The following CAMTA1 variants were observed in gnomAD, a reference collection of about 807,000 sequenced individuals.
CAMTA1 encodes the protein calmodulin binding transcription activator 1, also known as calmodulin-binding transcription activator 1.
CAMTA1 carries 27 observed loss-of-function variants against 170.9 expected under a neutral mutation model. That is an observed-to-expected ratio of 0.16 (90% confidence interval 0.12 to 0.22). The LOEUF is 0.22. Among genes scored for constraint, CAMTA1 ranks in the 10% least tolerant of loss-of-function variants. The pLI is 1.00. For missense variants in CAMTA1, 1,619 were observed against 2,217.2 expected (o/e 0.73, Z 5.42); for synonymous variants, 833 against 891.5 (o/e 0.93, Z 1.17).
chr1:6,872,808 C>T (rs990176681), intron 3 of CAMTA1, among the ~76,000 whole-genome samples: 1 of 152,156 alleles, frequency 6.6e-6, no homozygotes, highest in African/African-American at 2.4e-5. Flanking sequence ...CAGCATGGCC[C>T]ACTGAAGCAC....
intron 3 of CAMTA1, among the ~76,000 whole-genome samples, chr1:6,880,495 T>C (rs1264508812): frequency 1.4e-5 from 2 of 146,396 alleles, no homozygotes; most frequent in Non-Finnish European, 3.0e-5. Flanking sequence ...GCTCAAGCAG[T>C]CCTCCCACCT....
chr1:7,732,442 C>A lies in CAMTA1; in HGVS notation c.2915-6C>A. On this transcript the variant is annotated splice_region_variant and splice_polypyrimidine_tract_variant and intron_variant, in intron 11 of 22. Coordinates refer to ENST00000303635, the MANE Select transcript of CAMTA1 (RefSeq NM_015215.4). This position sits in a 1 kb window ranked among gnomAD's most constrained non-coding sequence, Gnocchi z 4.1. ...CAACCTCACTCTTCCTCCTGCTCTG[C>A]CCTAGATAACCAGTTCAGGATGTCC... The A allele has an allele frequency of 6.2e-7, 1 of 1,612,468 alleles. No homozygotes were observed. Among genetic ancestry groups the A allele is most frequent in the South Asian group, 1.1e-5 (1 of 91,032 alleles).
At chr1:7,259,041 G>A (rs1175270310) in intron 5 of CAMTA1, among the ~76,000 whole-genome samples, 2 of 152,140 alleles carry the variant, frequency 1.3e-5, no homozygotes, top group Admixed American at 1.3e-4. Flanking sequence ...TACCAAACGA[G>A]TTAAAGAAGG....
At chr1:7,538,849 C>T (rs2094577718) in intron 6 of CAMTA1, among the ~76,000 whole-genome samples, 1 of 152,176 alleles carries the variant, frequency 6.6e-6, no homozygotes, top group Non-Finnish European at 1.5e-5. Context: ...TGGGTGAACC[C>T]ACCTTTCTAC....
intron 5 of CAMTA1, among the ~76,000 whole-genome samples, chr1:7,292,389 G>A (rs12023513): frequency 2.0e-5 from 3 of 152,274 alleles, no homozygotes; most frequent in East Asian, 1.9e-4. Context: ...TTTCAGCTTC[G>A]GTGAATATGT....
intron 3 of CAMTA1, among the ~76,000 whole-genome samples, chr1:7,013,365 A>G (rs1382215384): frequency 6.6e-6 from 1 of 151,386 alleles, no homozygotes; most frequent in Non-Finnish European, 1.5e-5. Context: ...GAAGTGTACC[A>G]CCATGCCCGG....
chr1:7,065,857 T>A lies in CAMTA1; in HGVS notation c.235-25447T>A, dbSNP rs1468873322. 2.0e-5 allele frequency among the ~76,000 whole-genome samples: 3 copies of A among 152,134 alleles called. No homozygotes were observed. ...GGCATGTTTATCTATTCCCTTACATTGTGAAAGAGTAAAGCAGTCTTAAGA... is the reference window on the plus strand; with the variant it reads ...GGCATGTTTATCTATTCCCTTACATAGTGAAAGAGTAAAGCAGTCTTAAGA... On this transcript the variant is annotated intron_variant, in intron 3 of 22. Transcript: ENST00000303635. This position sits in a 1 kb window ranked among gnomAD's most constrained non-coding sequence, Gnocchi z 5.2.
intron 3 of CAMTA1, among the ~76,000 whole-genome samples, chr1:6,899,554 G>GCGCGCGCACACA (rs1306510241): frequency 1.4e-5 from 2 of 141,178 alleles, no homozygotes; most frequent in African/African-American, 2.5e-5. Flanking sequence ...ACGCGCGCGC[G>GCGCGCGCACACA]CACACACACA....
At chr1:6,938,084 A>G (rs892366923) in intron 3 of CAMTA1, among the ~76,000 whole-genome samples, 2 of 152,264 alleles carry the variant, frequency 1.3e-5, no homozygotes, top group East Asian at 3.8e-4. Context: ...CAGGACTTGG[A>G]GTCCACTCTC....
At chr1:7,614,026 G>A (rs1241213338) in intron 6 of CAMTA1, among the ~76,000 whole-genome samples, 1 of 148,618 alleles carries the variant, frequency 6.7e-6, no homozygotes, top group Non-Finnish European at 1.5e-5. Context: ...AGAGCACTGA[G>A]GGGAGCGATG....
At chr1:7,207,273 A>T (rs746620383) in intron 4 of CAMTA1, among the ~76,000 whole-genome samples, 8 of 152,150 alleles carry the variant, frequency 5.3e-5, no homozygotes, top group Non-Finnish European at 1.0e-4. Context: ...GGAAGAGGAG[A>T]CATGTTTACA....
At chr1:7,147,411 G>A (rs549814554) in intron 4 of CAMTA1, among the ~76,000 whole-genome samples, 14 of 132,308 alleles carry the variant, frequency 1.1e-4, no homozygotes, top group African/African-American at 3.0e-4. Context: ...GTAACAGAGC[G>A]AGACTCCGTC....
intron 11 of CAMTA1, among the ~76,000 whole-genome samples, chr1:7,710,012 A>G (rs987364136): frequency 6.6e-6 from 1 of 152,214 alleles, no homozygotes; most frequent in Non-Finnish European, 1.5e-5. Context: ...CAATTCAGCT[A>G]TTCTGCTGTG....
chr1:7,484,331 G>A (rs936568710), intron 6 of CAMTA1, among the ~76,000 whole-genome samples: 2 of 152,220 alleles, frequency 1.3e-5, no homozygotes, highest in African/African-American at 4.8e-5. Context: ...GCAGCCGCAA[G>A]GTCAGGCCCT....
At chr1:6,885,964 C>T (rs1673093340) in intron 3 of CAMTA1, among the ~76,000 whole-genome samples, 1 of 152,224 alleles carries the variant, frequency 6.6e-6, no homozygotes, top group African/African-American at 2.4e-5. Flanking sequence ...TTCACTCTTA[C>T]CCTGGGCACT....
chr1:7,186,849 G>A (rs1045555743), intron 4 of CAMTA1, among the ~76,000 whole-genome samples: 1 of 152,176 alleles, frequency 6.6e-6, no homozygotes, highest in Non-Finnish European at 1.5e-5. Context: ...AGAGAAACGT[G>A]CACAACCAGG....
At chr1:7,061,440 C>A (rs1708192758) in intron 3 of CAMTA1, among the ~76,000 whole-genome samples, 1 of 152,228 alleles carries the variant, frequency 6.6e-6, no homozygotes. Context: ...CTGCATCATT[C>A]TGAGTAGCGG....
intron 4 of CAMTA1, among the ~76,000 whole-genome samples, chr1:7,246,438 C>G (rs1038496199): frequency 1.8e-4 from 28 of 152,184 alleles, no homozygotes. Flanking sequence ...TATTAAGTTG[C>G]AGGACTTCCA....
chr1:6,945,479 G>A (rs1261879768), intron 3 of CAMTA1, among the ~76,000 whole-genome samples: 2 of 152,064 alleles, frequency 1.3e-5, no homozygotes, highest in African/African-American at 4.8e-5. Context: ...CTCCCAAGTA[G>A]CTGGGACCAC....
Sources: allele counts gnomAD v4.1 joint callset (sites outside exome capture counted in the v4.1 genomes callset), GRCh38; gene constraint gnomAD v4.1.1; non-coding constraint Gnocchi (gnomAD v3.1); transcripts MANE v1.5; gene names NCBI Gene and HGNC (gene_info 2026-07-23, HGNC 2026-07-21).